The following CDH19 variants were observed in gnomAD, a reference collection of about 807,000 sequenced individuals.
CDH19 encodes the protein cadherin 19.
Under a neutral mutation model 64.2 loss-of-function variants are expected in CDH19, and 67 were observed. The observed-to-expected ratio is 1.04, with a 90% CI of 0.86 to 1.28. CDH19 has a LOEUF of 1.28. Ranked by LOEUF, CDH19 falls within the 50% of genes most tolerant of loss-of-function variation. The probability of loss-of-function intolerance (pLI) is 0.00; values close to 1 mark genes in which losing one functional copy is unlikely to be tolerated. For synonymous variants in CDH19, 346 were observed against 319.3 expected (o/e 1.08, Z -0.89); for missense variants, 1,030 against 929.0 (o/e 1.11, Z -1.41).
rs145579809 is a variant in CDH19, at chr18:66,538,491, G to T, written c.1215-3384C>A. On this transcript the variant is annotated intron_variant, in intron 7 of 11. Transcript: ENST00000262150. ...ATCTTTTTAGTTTAGGTACCACAGG[G>T]TTTATTTTTGTTTGTTCATTTTTTT... Among the ~76,000 whole-genome samples the T allele has an allele frequency of 3.3e-5, 5 of 151,848 alleles. No individual in the cohort carries two copies. In the East Asian group the frequency reaches 9.7e-4, roughly 30 times the overall value.
At chr18:66,513,120 A>C (rs895511395) in intron 9 of CDH19, among the ~76,000 whole-genome samples, 10 of 151,466 alleles carry the variant, frequency 6.6e-5, no homozygotes, top group African/African-American at 2.4e-4. Flanking sequence ...ATTCATGTTT[A>C]TCTTGCTGGC....
At chr18:66,560,857 A>C (rs913226638) in intron 3 of CDH19, among the ~76,000 whole-genome samples, 5 of 152,064 alleles carry the variant, frequency 3.3e-5, no homozygotes, top group Non-Finnish European at 7.4e-5. Context: ...AATACTTGCA[A>C]AGTGGGTCTT....
intron 1 of CDH19, among the ~76,000 whole-genome samples, chr18:66,575,648 A>T (rs140833876): frequency 6.6e-6 from 1 of 151,698 alleles, no homozygotes; most frequent in Non-Finnish European, 1.5e-5. Context: ...TGGGATGAAG[A>T]CTCTTTCTGG....
intron 1 of CDH19, among the ~76,000 whole-genome samples, chr18:66,580,109 G>T (rs542717586): frequency 3.3e-5 from 5 of 151,824 alleles, no homozygotes; most frequent in African/African-American, 1.2e-4. Flanking sequence ...ACAGCAATTC[G>T]TACTTTTAAA....
chr18:66,546,418 G>C (rs1360571571), intron 5 of CDH19, among the ~76,000 whole-genome samples: 5 of 152,160 alleles, frequency 3.3e-5, no homozygotes, highest in African/African-American at 1.2e-4. Context: ...CGTGAAAGCA[G>C]ATGTTTAAGA....
intron 3 of CDH19, among the ~76,000 whole-genome samples, chr18:66,558,162 C>CAT (rs34063647): frequency 0.12 from 16,966 of 145,496 alleles, 1,219 homozygotes; most frequent in Admixed American, 0.16. Context: ...ATCTTTATCT[C>CAT]ATATATATAT....
At position 66,502,773 on chromosome 18, in the gene CDH19, T is replaced by C. The variant is rs1277410123; in HGVS notation, c.*2039A>G. 1 of 151,938 alleles carries C rather than the reference T, an allele frequency of 6.6e-6. No individual in the cohort carries two copies. Among genetic ancestry groups the C allele is most frequent in the Non-Finnish European group, 1.5e-5 (1 of 67,860 alleles). The allele number at this position is 151,938 out of a possible 1,614,324, so 9.4% of individuals were successfully genotyped here. ...TGGTATTTTTCCTCTTTCCTAATAA[T>C]GGTATCATTGCGTTAAGGATTGACT... On this transcript the variant is annotated 3_prime_UTR_variant, in exon 12 of 12. Transcript: ENST00000262150.
chr18:66,558,505 G>A (rs899325176), intron 3 of CDH19, among the ~76,000 whole-genome samples: 6 of 151,634 alleles, frequency 4.0e-5, no homozygotes, highest in African/African-American at 1.5e-4. Context: ...CTTGTATTCG[G>A]CAGAAATCCT....
intron 9 of CDH19, among the ~76,000 whole-genome samples, chr18:66,511,970 G>C (rs559783783): frequency 7.9e-5 from 12 of 151,452 alleles, no homozygotes; most frequent in Admixed American, 2.0e-4. Flanking sequence ...CCAAAGCATT[G>C]CTTTTGTATT....
intron 4 of CDH19, 79 bp downstream of exon 4, chr18:66,554,326 G>A: frequency 2.8e-6 from 4 of 1,441,626 alleles, no homozygotes; most frequent in Non-Finnish European, 3.8e-6. Context: ...TGTAAAACAT[G>A]TTTCTAAGCA....
chr18:66,568,646 C>G lies in CDH19; in HGVS notation c.260G>C (p.Gly87Ala). The G allele has an allele frequency of 6.2e-7, 1 of 1,611,256 alleles. No individual in the cohort carries two copies. Among genetic ancestry groups the G allele is most frequent in the South Asian group, 1.1e-5 (1 of 91,004 alleles). The change falls in exon 3 of 12, where the codon GGA becomes GCA. Residue 87 changes from glycine (G) to alanine (A), a missense_variant. Coordinates refer to ENST00000262150, the MANE Select transcript of CDH19 (RefSeq NM_021153.4). ...FQYKLLGAGA[G>A]STFIIDERTG... ...TCTTTCATCAATGATAAAAGTACTT[C>G]CAGCTCCAGCTCCCAAAAGCTTGTA...
At chr18:66,581,852 T>C (rs1034535973) in intron 1 of CDH19, among the ~76,000 whole-genome samples, 9 of 152,110 alleles carry the variant, frequency 5.9e-5, no homozygotes, top group African/African-American at 2.2e-4. Context: ...CTCCCTTTCA[T>C]ATATGCATAT....
At position 66,502,006 on chromosome 18, in the gene CDH19, G is replaced by A. The variant is rs1164919047; in HGVS notation, c.*2806C>T. On this transcript the variant is annotated 3_prime_UTR_variant, in exon 12 of 12. Transcript: ENST00000262150. ...TAAGGGAGATATTTAAGTACTGTGGGTATTAATGTGAAGCTGTGCTATTTT... is the reference window on the plus strand; with the variant it reads ...TAAGGGAGATATTTAAGTACTGTGGATATTAATGTGAAGCTGTGCTATTTT... 12 of 151,948 alleles carry A rather than the reference G, an allele frequency of 7.9e-5. No individual in the cohort carries two copies. The highest frequency in any genetic ancestry group is 7.9e-4 in the Admixed American group (12 of 15,222). The allele number at this position is 151,948 out of a possible 1,614,324, so 9.4% of individuals were successfully genotyped here.
chr18:66,524,532 ATGTT>A (rs1418998479), intron 9 of CDH19, among the ~76,000 whole-genome samples: 2 of 126,448 alleles, frequency 1.6e-5, no homozygotes, highest in Non-Finnish European at 3.2e-5. Context: ...ATATGCGTGT[ATGTT>A]TGTGTGTATA....
rs371764534 is a variant in CDH19 at position 66,551,075 on chromosome 18, T to C, written c.775+19A>G. The C allele has an allele frequency of 8.1e-6, 11 of 1,354,610 alleles. No homozygotes were observed. The highest frequency in any genetic ancestry group is 1.0e-5 in the Non-Finnish European group (10 of 954,142). The allele number at this position is 1,354,610 out of a possible 1,614,324, so 83.9% of individuals were successfully genotyped here. A position where few individuals can be genotyped will look rare whatever the true frequency, so the allele number is the denominator to read the frequency against. ...TCATATTTATAATGTAATGAAGATG[T>C]AGAATCCTTTTTACTTACTTTCTTT... On this transcript the variant is annotated intron_variant, in intron 5 of 11. Transcript: ENST00000262150.
At chr18:66,544,697 C>G (rs1987033699) in intron 6 of CDH19, 22 bp downstream of exon 6, 3 of 1,539,810 alleles carry the variant, frequency 1.9e-6, no homozygotes, top group Non-Finnish European at 2.7e-6. Flanking sequence ...TTCTGCAAGG[C>G]AAATAATTTT....
In CDH19 at chr18:66,529,810, T is replaced by C. The variant is rs1473013470; in HGVS notation, c.1458+35A>G. Reference sequence around the variant, plus strand: ...TTTCATATTATGAAACAATGATATATTGTTTAGACTTTGTAATTTATAATG... The same window carrying C: ...TTTCATATTATGAAACAATGATATACTGTTTAGACTTTGTAATTTATAATG... On this transcript the variant is annotated intron_variant, in intron 9 of 11. Transcript: ENST00000262150. The C allele has an allele frequency of 4.3e-6, 6 of 1,384,044 alleles. 1 individual carries two copies. The South Asian group carries it at 9.6e-5, about 22-fold the overall frequency. 85.7% of individuals were successfully genotyped at this position (1,384,044 alleles called of 1,614,324 possible). A position where few individuals can be genotyped will look rare whatever the true frequency, so the allele number is the denominator to read the frequency against.
At chr18:66,508,932 C>T in intron 11 of CDH19, 63 bp downstream of exon 11, 1 of 1,535,934 alleles carries the variant, frequency 6.5e-7, no homozygotes, top group South Asian at 1.2e-5. Flanking sequence ...ATGTTCAGTT[C>T]AGCACCACCT....
chr18:66,535,744 T>C (rs903806112), intron 7 of CDH19, among the ~76,000 whole-genome samples: 5 of 147,148 alleles, frequency 3.4e-5, no homozygotes, highest in African/African-American at 4.9e-5. Flanking sequence ...TATGCTTTAT[T>C]CTATATTACA....
Sources: allele counts gnomAD v4.1 joint callset (sites outside exome capture counted in the v4.1 genomes callset), GRCh38; gene constraint gnomAD v4.1.1; transcripts MANE v1.5; gene names NCBI Gene and HGNC (gene_info 2026-07-23, HGNC 2026-07-21).